Variants in MED13L observed in about 807,000 individuals in gnomAD.
MED13L encodes mediator complex subunit 13L, also known as mediator of RNA polymerase II transcription subunit 13-like.
In MED13L, 7 loss-of-function variants were observed where a neutral mutation model predicts 220.9. The ratio of observed to expected loss-of-function variants is 0.03; its 90% CI spans 0.02 to 0.06. The LOEUF is 0.06. Among genes scored for constraint, MED13L ranks in the 10% least tolerant of loss-of-function variants. The probability of loss-of-function intolerance (pLI) is 1.00; values close to 1 mark genes in which losing one functional copy is unlikely to be tolerated. For synonymous variants in MED13L, 1,011 were observed against 1,015.2 expected (o/e 1.00, Z 0.08); for missense variants, 1,965 against 2,760.5 (o/e 0.71, Z 6.46).
chr12:116,151,180 C>T (rs1878008627), intron 2 of MED13L, among the ~76,000 whole-genome samples: 1 of 152,034 alleles, frequency 6.6e-6, no homozygotes, highest in Non-Finnish European at 1.5e-5. Context: ...AGCAAAATCT[C>T]TTGGGGGTGG....
intron 1 of MED13L, among the ~76,000 whole-genome samples, chr12:116,240,135 T>TG (rs1227208445): frequency 2.0e-5 from 3 of 151,956 alleles, no homozygotes; most frequent in Non-Finnish European, 4.4e-5. Flanking sequence ...TTTTCTGAGA[T>TG]GGAGCCTCGC....
intron 2 of MED13L, among the ~76,000 whole-genome samples, chr12:116,207,422 T>C (rs183105822): frequency 3.4e-4 from 52 of 152,308 alleles, no homozygotes; most frequent in African/African-American, 1.1e-3. Flanking sequence ...ATGTATATAG[T>C]AGGCTATACT....
chr12:116,170,689 G>A (rs746128497), intron 2 of MED13L, among the ~76,000 whole-genome samples: 3 of 148,062 alleles, frequency 2.0e-5, no homozygotes, highest in South Asian at 2.1e-4. Flanking sequence ...CAACCTCCAC[G>A]TCCCAGGTTC....
chr12:116,120,421 T>C (rs1389096508), intron 2 of MED13L, among the ~76,000 whole-genome samples: 1 of 150,144 alleles, frequency 6.7e-6, no homozygotes, highest in African/African-American at 2.5e-5. Context: ...ACATTTTGGC[T>C]TCTTTAAATA....
chr12:116,144,366 G>C (rs559331166), intron 2 of MED13L, among the ~76,000 whole-genome samples: 7 of 152,030 alleles, frequency 4.6e-5, no homozygotes, highest in South Asian at 4.1e-4. Flanking sequence ...CCAACAGTTC[G>C]ACCCTGATAG....
intron 10 of MED13L, 28 bp from the exon 11 acceptor site, chr12:116,007,664 A>G (rs962533869): frequency 2.9e-5 from 45 of 1,528,604 alleles, no homozygotes; most frequent in Admixed American, 3.6e-5. Context: ...AAAAAAAAAA[A>G]AGAGCATTTA....
chr12:116,086,853 A>G (rs1002890788), intron 4 of MED13L, among the ~76,000 whole-genome samples: 1 of 152,344 alleles, frequency 6.6e-6, no homozygotes, highest in South Asian at 2.1e-4. Flanking sequence ...CAATGCTAGT[A>G]AACACCATAT....
intron 4 of MED13L, among the ~76,000 whole-genome samples, chr12:116,029,008 C>T (rs1432710087): frequency 1.3e-5 from 2 of 152,112 alleles, no homozygotes; most frequent in Non-Finnish European, 2.9e-5. Flanking sequence ...CGCTGAAGCA[C>T]CTCCTCTTGA....
chr12:116,136,291 A>G (rs1473287330), intron 2 of MED13L, among the ~76,000 whole-genome samples: 1 of 152,202 alleles, frequency 6.6e-6, no homozygotes, highest in Non-Finnish European at 1.5e-5. Flanking sequence ...TACCATGCAA[A>G]TAAGTGTTTC....
intron 1 of MED13L, among the ~76,000 whole-genome samples, chr12:116,275,085 C>G (rs1038033706): frequency 1.3e-5 from 2 of 151,842 alleles, no homozygotes; most frequent in African/African-American, 4.8e-5. Context: ...TATACACAGC[C>G]ATTACCAGTC....
At chr12:116,160,375 T>C (rs1463700876) in intron 2 of MED13L, among the ~76,000 whole-genome samples, 1 of 152,122 alleles carries the variant, frequency 6.6e-6, no homozygotes, top group Non-Finnish European at 1.5e-5. Context: ...CAAAACCATT[T>C]AGGTGAGTCA....
At chr12:116,249,198 A>C (rs1234939753) in intron 1 of MED13L, among the ~76,000 whole-genome samples, 1 of 152,232 alleles carries the variant, frequency 6.6e-6, no homozygotes, top group African/African-American at 2.4e-5. Context: ...CAGAGAGAAA[A>C]AACACTGTTA....
chr12:116,006,071 A>C, intron 12 of MED13L, 78 bp from the exon 13 acceptor site: 9 of 1,573,348 alleles, frequency 5.7e-6, no homozygotes, highest in Non-Finnish European at 7.9e-6. Flanking sequence ...CACGGATCTC[A>C]ATGAACATGA....
chr12:116,191,226 A>C (rs1034051437), intron 2 of MED13L, among the ~76,000 whole-genome samples: 1 of 152,132 alleles, frequency 6.6e-6, no homozygotes, highest in Non-Finnish European at 1.5e-5. Context: ...TCTACCTTCT[A>C]ACTATTATTT....
intron 8 of MED13L, among the ~76,000 whole-genome samples, chr12:116,013,902 G>T (rs1879570094): frequency 7.0e-6 from 1 of 143,136 alleles, no homozygotes; most frequent in Non-Finnish European, 1.5e-5. Flanking sequence ...TCTGTTAAGA[G>T]TTGTGGAGGT....
At position 115,975,658 on chromosome 12, in the gene MED13L, C is replaced by G; in HGVS notation, c.5445G>C (p.Thr1815=). The change falls in exon 24 of 31, where the codon ACG becomes ACC. Residue 1815 remains threonine, a synonymous_variant. Coordinates refer to ENST00000281928, the MANE Select transcript of MED13L (RefSeq NM_015335.5). ...TGTATTTCTGGCTCGCCTCACCAAA[C>G]GTCTCTCCCAGCTCTGTCTGCTTGT... ...IKDKQTELGE[T]FGEASQKYNV... is the part of the protein sequence containing the mutation. 1 of 1,614,064 alleles carries G rather than the reference C, an allele frequency of 6.2e-7. No homozygotes were observed. The highest frequency in any genetic ancestry group is 8.5e-7 in the Non-Finnish European group (1 of 1,180,014).
intron 1 of MED13L, among the ~76,000 whole-genome samples, chr12:116,268,183 G>A (rs1872982370): frequency 6.6e-6 from 1 of 150,882 alleles, no homozygotes; most frequent in Non-Finnish European, 1.5e-5. Context: ...TACACAGAGG[G>A]AGGTAGGGGG....
intron 4 of MED13L, among the ~76,000 whole-genome samples, chr12:116,072,976 TTAAG>T (rs1870499547): frequency 6.6e-6 from 1 of 152,228 alleles, no homozygotes. Flanking sequence ...AATTAAAACT[TTAAG>T]TATTTAATTC....
chr12:116,183,803 G>GGTGTGT (rs66691805), intron 2 of MED13L, among the ~76,000 whole-genome samples: 4,041 of 110,102 alleles, frequency 0.037, 63 homozygotes, highest in Admixed American at 0.067. Context: ...TAGAAAAAAT[G>GGTGTGT]GTGTGTGTGT....
Sources: gnomAD v4.1 joint callset for allele counts (sites outside exome capture counted in the v4.1 genomes callset) on GRCh38, gnomAD v4.1.1 for gene constraint, MANE v1.5 for transcripts, NCBI Gene and HGNC (gene_info 2026-07-23, HGNC 2026-07-21) for gene names.